The following SNX29 variants were observed in gnomAD, a reference collection of about 807,000 sequenced individuals.
SNX29 encodes the protein sorting nexin 29.
SNX29 carries 78 observed loss-of-function variants against 102.1 expected under a neutral mutation model. The observed-to-expected ratio is 0.76, with a 90% CI of 0.64 to 0.92. The LOEUF is 0.92. SNX29 is among the 40% of genes least tolerant of loss of function. The probability of loss-of-function intolerance (pLI) is 0.00; values close to 1 mark genes in which losing one functional copy is unlikely to be tolerated. For synonymous variants in SNX29, 580 were observed against 414.5 expected, an observed-to-expected ratio of 1.40 and a Z score of -4.85; for missense variants, 1,280 against 1,061.7, an observed-to-expected ratio of 1.21 and a Z score of -2.86.
At chr16:12,443,732 T>G (rs2085913222) in intron 18 of SNX29, among the ~76,000 whole-genome samples, 1 of 152,232 alleles carries the variant, frequency 6.6e-6, no homozygotes, top group South Asian at 2.1e-4. Flanking sequence ...ATTCCAGGCA[T>G]GAGCCACCGC....
chr16:12,050,169 T>G lies in SNX29; in HGVS notation c.748+1549T>G, dbSNP rs7192491. On this transcript the variant is annotated intron_variant, in intron 7 of 20. Transcript: ENST00000566228. ...TTTCTACACCCACAGGAGTAGAAGT[T>G]CCACCCATTTTTGGAACTCTGCTTT... Among the ~76,000 whole-genome samples, 449 of 152,086 alleles carry G rather than the reference T, an allele frequency of 3.0e-3. 3 individuals are homozygous for G. The highest frequency in any genetic ancestry group is 0.01 in the African/African-American group (420 of 41,492).
intron 3 of SNX29, among the ~76,000 whole-genome samples, chr16:12,007,080 T>A (rs1263115091): frequency 1.3e-5 from 2 of 152,138 alleles, no homozygotes; most frequent in Non-Finnish European, 2.9e-5. Flanking sequence ...AAAAAAAAAA[T>A]TATTCTCCTC....
chr16:12,542,698 G>T (rs72773337), intron 20 of SNX29, among the ~76,000 whole-genome samples: 1 of 152,030 alleles, frequency 6.6e-6, no homozygotes, highest in African/African-American at 2.4e-5. Flanking sequence ...GGGCCAGGCT[G>T]GTGTTGGTCC....
intron 18 of SNX29, among the ~76,000 whole-genome samples, chr16:12,454,986 G>A (rs2086472694): frequency 6.6e-6 from 1 of 152,174 alleles, no homozygotes; most frequent in Non-Finnish European, 1.5e-5. Context: ...GACCTCAAGT[G>A]ATCCACCCGC....
chr16:12,434,370 C>T (rs756045703), intron 18 of SNX29, among the ~76,000 whole-genome samples: 4 of 152,012 alleles, frequency 2.6e-5, no homozygotes, highest in Non-Finnish European at 5.9e-5. Context: ...AAACCTGGGC[C>T]CTGGGGACAG....
At chr16:12,535,939 G>C (rs1402921477) in intron 20 of SNX29, among the ~76,000 whole-genome samples, 1 of 152,132 alleles carries the variant, frequency 6.6e-6, no homozygotes, top group Non-Finnish European at 1.5e-5. Flanking sequence ...GGGCTGGGGA[G>C]GGTTAAGGAA....
intron 13 of SNX29, among the ~76,000 whole-genome samples, chr16:12,162,682 C>T (rs1320060497): frequency 6.6e-6 from 1 of 152,174 alleles, no homozygotes; most frequent in Non-Finnish European, 1.5e-5. Context: ...TTGAGCTAGC[C>T]TGAAGGCAGT....
At chr16:12,269,859 CATT>C (rs72147365) in intron 14 of SNX29, among the ~76,000 whole-genome samples, 82,510 of 150,214 alleles carry the variant, frequency 0.55, 22,975 homozygotes, top group Middle Eastern at 0.6. Flanking sequence ...TCATCATCAT[CATT>C]ATTATTATTA....
chr16:12,086,089 C>T lies in SNX29; in HGVS notation c.1402+7174C>T, dbSNP rs573921077. 3.8e-4 allele frequency among the ~76,000 whole-genome samples: 57 copies of T among 151,318 alleles called. 1 individual carries two copies. The highest frequency in any genetic ancestry group is 1.1e-3 in the African/African-American group (45 of 41,186). On this transcript the variant is annotated intron_variant, in intron 11 of 20. Coordinates refer to ENST00000566228, the MANE Select transcript of SNX29 (RefSeq NM_032167.5). Reference sequence around the variant, plus strand: ...CGTGATCTCGGCTCAGTGCAAGCTCCGCCTCCCGGGCTCACGCCATTCTCC... The same window carrying T: ...CGTGATCTCGGCTCAGTGCAAGCTCTGCCTCCCGGGCTCACGCCATTCTCC...
intron 15 of SNX29, among the ~76,000 whole-genome samples, chr16:12,313,856 G>T (rs1161315196): frequency 1.3e-5 from 2 of 152,256 alleles, no homozygotes; most frequent in Non-Finnish European, 2.9e-5. Flanking sequence ...AACATAGAGG[G>T]TATTTATGAT....
intron 13 of SNX29, among the ~76,000 whole-genome samples, chr16:12,142,649 C>T (rs2054906807): frequency 6.6e-6 from 1 of 152,084 alleles, no homozygotes; most frequent in African/African-American, 2.4e-5. Flanking sequence ...ACTGCAACCT[C>T]TGCCTCCCGG....
chr16:12,338,114 G>A (rs2081506370), intron 15 of SNX29, among the ~76,000 whole-genome samples: 1 of 152,222 alleles, frequency 6.6e-6, no homozygotes, highest in Non-Finnish European at 1.5e-5. Context: ...TACCTAATGG[G>A]TCATCAGTGT....
intron 20 of SNX29, among the ~76,000 whole-genome samples, chr16:12,549,407 A>G (rs1158186631): frequency 6.6e-6 from 1 of 152,210 alleles, no homozygotes; most frequent in African/African-American, 2.4e-5. Flanking sequence ...AGGCAGGAGA[A>G]TCTCTTGAAC....
At chr16:12,410,226 C>A (rs2084342996) in intron 18 of SNX29, among the ~76,000 whole-genome samples, 1 of 152,140 alleles carries the variant, frequency 6.6e-6, no homozygotes, top group Non-Finnish European at 1.5e-5. Context: ...GATCTTCTGA[C>A]CTCGTGATCC....
chr16:12,356,773 C>G (rs150041871), intron 16 of SNX29, among the ~76,000 whole-genome samples: 477 of 152,332 alleles, frequency 3.1e-3, no homozygotes, highest in African/African-American at 0.011. Flanking sequence ...TCATGTGATT[C>G]TTTATTGTGA....
intron 13 of SNX29, among the ~76,000 whole-genome samples, chr16:12,173,278 C>T (rs915826224): frequency 1.2e-4 from 19 of 152,166 alleles, no homozygotes; most frequent in Non-Finnish European, 2.6e-4. Flanking sequence ...GAGTTACATT[C>T]GTGGAGCAAT....
chr16:12,198,495 G>A (rs183006305), intron 13 of SNX29, among the ~76,000 whole-genome samples: 1 of 152,252 alleles, frequency 6.6e-6, no homozygotes, highest in East Asian at 1.9e-4. Flanking sequence ...CCAGTCTTCA[G>A]CTCTTCTCGT....
chr16:12,523,303 C>G (rs1426799032), intron 19 of SNX29, among the ~76,000 whole-genome samples: 4 of 152,218 alleles, frequency 2.6e-5, no homozygotes, highest in African/African-American at 9.6e-5. Flanking sequence ...CAGCAGTTTC[C>G]TCATCTGTTA....
chr16:12,285,453 T>C (rs1005879305), intron 15 of SNX29, among the ~76,000 whole-genome samples: 2 of 152,198 alleles, frequency 1.3e-5, no homozygotes, highest in African/African-American at 2.4e-5. Context: ...ATTTTTCTTG[T>C]GGGTAAAATA....
Sources: allele counts gnomAD v4.1 joint callset (sites outside exome capture counted in the v4.1 genomes callset), GRCh38; gene constraint gnomAD v4.1.1; transcripts MANE v1.5; gene names NCBI Gene and HGNC (gene_info 2026-07-23, HGNC 2026-07-21).